The following GOLIM4 variants were observed in gnomAD, a reference collection of about 807,000 sequenced individuals.
The protein encoded by GOLIM4 is 130 kDa golgi-localized phosphoprotein.
Under a neutral mutation model 107.4 loss-of-function variants are expected in GOLIM4, and 71 were observed. The ratio of observed to expected loss-of-function variants is 0.66; its 90% confidence interval spans 0.55 to 0.81. GOLIM4 has a LOEUF of 0.81. Among genes scored for constraint, GOLIM4 ranks in the 30% least tolerant of loss-of-function variants. GOLIM4 has a pLI of 0.00. For synonymous variants in GOLIM4, 327 were observed against 294.8 expected, an observed-to-expected ratio of 1.11 and a Z score of -1.12; for missense variants, 830 against 826.1, an observed-to-expected ratio of 1.00 and a Z score of -0.06.
Position 168,029,747 on chromosome 3 carries a change from C to T in GOLIM4, c.1433+33G>A, listed in dbSNP as rs774563592. 6 of 1,604,692 alleles carry T rather than the reference C, an allele frequency of 3.7e-6. No individual in the cohort carries two copies. The Admixed American group carries it at 1.0e-4, about 27-fold the overall frequency. On this transcript the variant is annotated intron_variant, in intron 10 of 15. Coordinates refer to ENST00000470487, the MANE Select transcript of GOLIM4 (RefSeq NM_014498.5). ...TTGCGTATGAAAACTGGAGCAGGGG[C>T]TGTCTTCGTTCATTAAGGAAGGGGA... is the stretch of plus-strand genomic sequence containing the variant.
At chr3:168,064,417 T>C (rs1301941573) in intron 1 of GOLIM4, among the ~76,000 whole-genome samples, 1 of 152,212 alleles carries the variant, frequency 6.6e-6, no homozygotes, top group Admixed American at 6.5e-5. Context: ...AATTATTTCA[T>C]GAAATTTACA....
At chr3:168,040,223 C>A (rs1008228429) in intron 7 of GOLIM4, among the ~76,000 whole-genome samples, 4 of 152,192 alleles carry the variant, frequency 2.6e-5, no homozygotes, top group Non-Finnish European at 1.5e-5. Context: ...TAAATATATA[C>A]TGAGGGCCTG....
intron 14 of GOLIM4, among the ~76,000 whole-genome samples, chr3:168,011,532 G>A (rs561793197): frequency 7.1e-4 from 108 of 151,910 alleles, no homozygotes; most frequent in Non-Finnish European, 1.3e-3. Flanking sequence ...CCAACTGGGC[G>A]GAGCCCACCA....
chr3:168,048,163 T>C, intron 2 of GOLIM4, 128 bp downstream of exon 2: 1 of 663,734 alleles, frequency 1.5e-6, no homozygotes, highest in Non-Finnish European at 2.7e-6. Context: ...TGTCTTTCTC[T>C]GTCCACCTAT....
At chr3:168,090,838 G>C (rs4393945) in intron 1 of GOLIM4, among the ~76,000 whole-genome samples, 1 of 152,074 alleles carries the variant, frequency 6.6e-6, no homozygotes, top group Non-Finnish European at 1.5e-5. Flanking sequence ...CTACTCAGCC[G>C]TAACAAGGAA....
At chr3:168,094,280 T>C (rs1050037990) in intron 1 of GOLIM4, among the ~76,000 whole-genome samples, 1 of 152,262 alleles carries the variant, frequency 6.6e-6, no homozygotes, top group African/African-American at 2.4e-5. Flanking sequence ...ATAGAAACTT[T>C]AAGTTCTTCT....
chr3:168,093,194 T>C (rs1341025998), intron 1 of GOLIM4, among the ~76,000 whole-genome samples: 1 of 152,198 alleles, frequency 6.6e-6, no homozygotes, highest in Non-Finnish European at 1.5e-5. Flanking sequence ...CAGTCAACAA[T>C]ATCCATCGTC....
At chr3:168,048,898 A>C (rs758736224) in intron 1 of GOLIM4, among the ~76,000 whole-genome samples, 2 of 152,182 alleles carry the variant, frequency 1.3e-5, no homozygotes, top group Non-Finnish European at 2.9e-5. Context: ...ATGAAAGAGG[A>C]GGTGTATCTC....
intron 1 of GOLIM4, among the ~76,000 whole-genome samples, chr3:168,061,214 G>T (rs1720256193): frequency 6.6e-6 from 1 of 151,390 alleles, no homozygotes; most frequent in South Asian, 2.1e-4. Context: ...CGAAATATAT[G>T]AAAAAGTGCT....
intron 1 of GOLIM4, among the ~76,000 whole-genome samples, chr3:168,062,746 T>C (rs1263966581): frequency 6.6e-6 from 1 of 152,122 alleles, no homozygotes; most frequent in Non-Finnish European, 1.5e-5. Flanking sequence ...CACGTGGTAA[T>C]CATTGACAGA....
At chr3:168,073,257 G>C (rs1421203293) in intron 1 of GOLIM4, among the ~76,000 whole-genome samples, 6 of 152,142 alleles carry the variant, frequency 3.9e-5, no homozygotes, top group African/African-American at 1.4e-4. Flanking sequence ...TTGACGGTAG[G>C]GACCGTGTCT....
chr3:168,017,363 C>A (rs1321213797), intron 14 of GOLIM4, among the ~76,000 whole-genome samples: 1 of 152,064 alleles, frequency 6.6e-6, no homozygotes, highest in East Asian at 1.9e-4. Flanking sequence ...TAGTGGTGCA[C>A]GCCTGTAGTC....
intron 5 of GOLIM4, among the ~76,000 whole-genome samples, chr3:168,041,875 AT>A (rs1310893204): frequency 2.0e-5 from 3 of 152,072 alleles, no homozygotes; most frequent in African/African-American, 7.2e-5. Flanking sequence ...ATTTTTAAAA[AT>A]AATTTAAAAT....
chr3:168,093,080 C>T (rs751823553), intron 1 of GOLIM4, among the ~76,000 whole-genome samples: 2 of 152,070 alleles, frequency 1.3e-5, no homozygotes, highest in African/African-American at 2.4e-5. Context: ...TTCCCCACTA[C>T]CACCACCACC....
intron 14 of GOLIM4, among the ~76,000 whole-genome samples, chr3:168,019,315 T>G (rs6764021): frequency 0.21 from 31,440 of 152,176 alleles, 7,385 homozygotes; most frequent in African/African-American, 0.57. Context: ...TTTCTATTTT[T>G]TACAGTGAAT....
At chr3:168,011,326 C>T (rs1297659985) in intron 14 of GOLIM4, among the ~76,000 whole-genome samples, 1 of 152,250 alleles carries the variant, frequency 6.6e-6, no homozygotes, top group Non-Finnish European at 1.5e-5. Context: ...AAATACTGCG[C>T]TTTTCCGACG....
chr3:168,090,427 A>T (rs1457215874), intron 1 of GOLIM4, among the ~76,000 whole-genome samples: 1 of 152,218 alleles, frequency 6.6e-6, no homozygotes, highest in Non-Finnish European at 1.5e-5. Flanking sequence ...AATGCTCAAC[A>T]TCACTAAGCA....
At chr3:168,035,323 T>C (rs886911691) in intron 8 of GOLIM4, among the ~76,000 whole-genome samples, 2 of 152,172 alleles carry the variant, frequency 1.3e-5, no homozygotes, top group African/African-American at 4.8e-5. Context: ...CCCAGAGGAA[T>C]AGAAATCATT....
intron 1 of GOLIM4, among the ~76,000 whole-genome samples, chr3:168,050,422 T>C (rs750273991): frequency 9.9e-5 from 15 of 152,236 alleles, no homozygotes; most frequent in South Asian, 4.1e-4. Flanking sequence ...ATTAGCCCTA[T>C]AGAACATCAC....
Sources: allele counts gnomAD v4.1 joint callset (sites outside exome capture counted in the v4.1 genomes callset), GRCh38; gene constraint gnomAD v4.1.1; transcripts MANE v1.5; gene names NCBI Gene and HGNC (gene_info 2026-07-23, HGNC 2026-07-21).